The following EML5 variants were observed in gnomAD, a reference collection of about 807,000 sequenced individuals.
The protein encoded by EML5 is echinoderm microtubule-associated protein-like 5.
EML5 carries 120 observed loss-of-function variants against 250.0 expected under a neutral mutation model. The ratio of observed to expected loss-of-function variants is 0.48; its 90% confidence interval spans 0.41 to 0.56. The LOEUF is 0.56. Among genes scored for constraint, EML5 ranks in the 20% least tolerant of loss-of-function variants. EML5 has a pLI of 0.00. For synonymous variants in EML5, 771 were observed against 806.5 expected (o/e 0.96, Z 0.75); for missense variants, 2,006 against 2,437.6 (o/e 0.82, Z 3.73).
chr14:88,780,214 A>G lies in EML5; in HGVS notation c.197+12093T>C, dbSNP rs571604987. On this transcript the variant is annotated intron_variant, in intron 1 of 43. Coordinates refer to ENST00000554922, the MANE Select transcript of EML5 (RefSeq NM_183387.3). The stretch of plus-strand genomic sequence containing the variant: ...GTGATCCACCTGCCTCAGCCTCCCA[A>G]AGTGCTGAGATTATAGGCATAAGTC... Among the ~76,000 whole-genome samples, 3 of 152,240 alleles carry G rather than the reference A, an allele frequency of 2.0e-5. No individual in the cohort carries two copies. The East Asian group carries it at 5.8e-4, about 29-fold the overall frequency.
intron 31 of EML5, among the ~76,000 whole-genome samples, chr14:88,639,930 T>C (rs551880509): frequency 6.6e-6 from 1 of 152,098 alleles, no homozygotes; most frequent in South Asian, 2.1e-4. Context: ...CATCTGGTAG[T>C]AGTAACAGTG....
Position 88,681,867 on chromosome 14 carries a change from G to A in EML5, c.3124+23C>T, listed in dbSNP as rs556995707. 153 of 1,585,268 alleles carry A rather than the reference G, an allele frequency of 9.7e-5. 1 individual carries two copies. The highest frequency in any genetic ancestry group is 8.4e-4 in the South Asian group (72 of 85,450). On this transcript the variant is annotated intron_variant, in intron 21 of 43. Coordinates refer to ENST00000554922, the MANE Select transcript of EML5 (RefSeq NM_183387.3). ...AGAAAACTGTGAGAGCTTAATCTAC[G>A]TTCAAGTGTGAGAGCCTCTTACCCT...
Position 88,622,620 on chromosome 14 carries a change from G to C in EML5, c.4997C>G (p.Ser1666Cys), listed in dbSNP as rs775113714. Reference sequence around the variant, plus strand: ...ACATCTTACTTTGCCTCTGCACACAGAACGAACACAATCTGTGGCTTGTCC... The same window carrying C: ...ACATCTTACTTTGCCTCTGCACACACAACGAACACAATCTGTGGCTTGTCC... ...ETGQATDCVRSVCRGKGKILV... is the reference protein window; with the variant it reads ...ETGQATDCVRCVCRGKGKILV... Residue 1666 changes from serine (S) to cysteine (C), a missense_variant, in exon 37 of 44, where the codon TCT (serine) becomes TGT (cysteine). Coordinates refer to ENST00000554922, the MANE Select transcript of EML5 (RefSeq NM_183387.3). 1 of 1,608,210 alleles carries C rather than the reference G, an allele frequency of 6.2e-7. No homozygotes were observed. Among genetic ancestry groups the C allele is most frequent in the South Asian group, 1.1e-5 (1 of 89,764 alleles).
At chr14:88,674,526 C>T (rs1020304205) in intron 21 of EML5, among the ~76,000 whole-genome samples, 5 of 152,070 alleles carry the variant, frequency 3.3e-5, no homozygotes, top group Admixed American at 1.3e-4. Context: ...AGGAAAGACC[C>T]GCCCCCATGA....
chr14:88,648,389 T>C (rs1303751637), intron 28 of EML5, among the ~76,000 whole-genome samples: 1 of 152,154 alleles, frequency 6.6e-6, no homozygotes, highest in East Asian at 1.9e-4. Context: ...GGTCTTGCTC[T>C]GTCACCCAAG....
chr14:88,730,268 T>G (rs1392490936), intron 7 of EML5, among the ~76,000 whole-genome samples: 1 of 152,080 alleles, frequency 6.6e-6, no homozygotes, highest in African/African-American at 2.4e-5. Context: ...TCATCACAAT[T>G]TTTCCAACTC....
At chr14:88,640,673 C>T (rs1048672846) in intron 31 of EML5, among the ~76,000 whole-genome samples, 2 of 151,892 alleles carry the variant, frequency 1.3e-5, no homozygotes, top group African/African-American at 4.8e-5. Context: ...AACAAAGTAA[C>T]CCCAAAGCTA....
At chr14:88,772,898 T>G (rs1260863780) in intron 1 of EML5, among the ~76,000 whole-genome samples, 2 of 152,256 alleles carry the variant, frequency 1.3e-5, no homozygotes, top group African/African-American at 4.8e-5. Context: ...TTGTCTGGAA[T>G]GACCTCCCAA....
chr14:88,621,714 T>C (rs1266479882), intron 37 of EML5: 1 of 292,592 alleles, frequency 3.4e-6, no homozygotes, highest in Non-Finnish European at 6.8e-6. Context: ...ATCCGTATGA[T>C]TTATAAATAC....
intron 43 of EML5, 41 bp from the exon 44 acceptor site, chr14:88,615,895 T>G (rs1462899584): frequency 6.3e-7 from 1 of 1,588,862 alleles, no homozygotes; most frequent in Non-Finnish European, 8.6e-7. Flanking sequence ...TAATTATGTT[T>G]TTAGATTTTC....
chr14:88,647,944 A>G (rs574372826), intron 28 of EML5, among the ~76,000 whole-genome samples: 1 of 152,306 alleles, frequency 6.6e-6, no homozygotes, highest in Admixed American at 6.5e-5. Context: ...AGATACTTCA[A>G]AGGAAATTGT....
At chr14:88,673,162 C>T (rs1469200794) in intron 21 of EML5, among the ~76,000 whole-genome samples, 1 of 152,160 alleles carries the variant, frequency 6.6e-6, no homozygotes, top group Non-Finnish European at 1.5e-5. Context: ...AAACTGAATC[C>T]AGCAGCACAT....
intron 8 of EML5, among the ~76,000 whole-genome samples, chr14:88,716,732 A>AACACACACACACACACACACAC (rs58701181): frequency 6.8e-6 from 1 of 148,082 alleles, no homozygotes; most frequent in African/African-American, 2.5e-5. Flanking sequence ...ACTGCTCACC[A>AACACACACACACACACACACAC]ACACACACAC....
intron 17 of EML5, among the ~76,000 whole-genome samples, chr14:88,692,417 C>T (rs569133515): frequency 6.6e-6 from 1 of 152,248 alleles, no homozygotes; most frequent in East Asian, 1.9e-4. Flanking sequence ...TGAATACATA[C>T]AGACTTTTTT....
chr14:88,755,602 A>T (rs1000649153), intron 1 of EML5, among the ~76,000 whole-genome samples: 1 of 152,152 alleles, frequency 6.6e-6, no homozygotes, highest in East Asian at 1.9e-4. Flanking sequence ...TCTATATGTC[A>T]ATTTACAATA....
At chr14:88,649,975 A>T in intron 27 of EML5, 49 bp from the exon 28 acceptor site, 1 of 1,378,672 alleles carries the variant, frequency 7.3e-7, no homozygotes, top group Non-Finnish European at 9.6e-7. Flanking sequence ...ATAAAAATTG[A>T]TGATGAATAG....
intron 21 of EML5, among the ~76,000 whole-genome samples, chr14:88,671,251 T>C (rs1465427580): frequency 6.6e-6 from 1 of 152,160 alleles, no homozygotes; most frequent in East Asian, 1.9e-4. Context: ...TAGGGGCCAA[T>C]ATTCAACATT....
At chr14:88,692,700 G>T (rs926294628) in intron 17 of EML5, among the ~76,000 whole-genome samples, 6 of 152,128 alleles carry the variant, frequency 3.9e-5, no homozygotes, top group African/African-American at 1.4e-4. Context: ...AGTGACTAAG[G>T]TGCCCAAATG....
intron 21 of EML5, among the ~76,000 whole-genome samples, chr14:88,666,313 G>A (rs12879961): frequency 6.6e-6 from 1 of 152,090 alleles, no homozygotes; most frequent in African/African-American, 2.4e-5. Flanking sequence ...TGCAACCTCC[G>A]CCTCCTGGGT....
Sources: gnomAD v4.1 joint callset for allele counts (sites outside exome capture counted in the v4.1 genomes callset) on GRCh38, gnomAD v4.1.1 for gene constraint, MANE v1.5 for transcripts, NCBI Gene and HGNC (gene_info 2026-07-23, HGNC 2026-07-21) for gene names.